COMT: variants seen among roughly 807,000 people sequenced by gnomAD.
COMT encodes the protein catechol O-methyltransferase.
In COMT, 13 loss-of-function variants were observed where a neutral mutation model predicts 18.9. The ratio of observed to expected loss-of-function variants is 0.69; its 90% CI spans 0.45 to 1.09. The LOEUF (loss-of-function observed/expected upper bound fraction) is 1.09, where lower values mean the gene tolerates loss of function less well. Ranked by LOEUF, COMT falls within the 50% of genes least tolerant of loss-of-function variation. COMT has a pLI of 0.00. For synonymous variants in COMT, 150 were observed against 160.9 expected (o/e 0.93, Z 0.51); for missense variants, 329 against 361.8 (o/e 0.91, Z 0.73).
At chr22:19,963,109 A>G (rs997352987) in intron 3 of COMT, among the ~76,000 whole-genome samples, 2 of 152,040 alleles carry the variant, frequency 1.3e-5, no homozygotes, top group African/African-American at 4.8e-5. Context: ...CTGCCTGGGG[A>G]CCAGTCAGAC....
At chr22:19,960,190 G>A in intron 1 of COMT, among the ~76,000 whole-genome samples, 1 of 152,216 alleles carries the variant, frequency 6.6e-6, no homozygotes. Flanking sequence ...GGACTCCAAG[G>A]TCTACCAAGT....
At chr22:19,951,286 G>A (rs958872358) in intron 1 of COMT, among the ~76,000 whole-genome samples, 2 of 151,166 alleles carry the variant, frequency 1.3e-5, no homozygotes, top group Non-Finnish European at 2.9e-5. Context: ...ATGAACCCGG[G>A]GGACGGAGCT....
intron 1 of COMT, among the ~76,000 whole-genome samples, chr22:19,944,771 G>C (rs946230324): frequency 6.6e-6 from 1 of 151,898 alleles, no homozygotes; most frequent in African/African-American, 2.4e-5. Flanking sequence ...GCAATGAGCC[G>C]AGATCACACC....
chr22:19,943,542 T>C (rs757226451), intron 1 of COMT, among the ~76,000 whole-genome samples: 2 of 151,796 alleles, frequency 1.3e-5, no homozygotes. Flanking sequence ...CTTGGGAGGC[T>C]GAGGTGAAAA....
intron 1 of COMT, among the ~76,000 whole-genome samples, chr22:19,955,228 T>C (rs1414762383): frequency 1.3e-5 from 2 of 152,142 alleles, no homozygotes; most frequent in Non-Finnish European, 2.9e-5. Flanking sequence ...AGAGGCTGGA[T>C]GGAGGTGAGT....
chr22:19,943,890 G>A (rs1021417708), intron 1 of COMT, among the ~76,000 whole-genome samples: 5 of 107,948 alleles, frequency 4.6e-5, no homozygotes, highest in Non-Finnish European at 5.9e-5. Flanking sequence ...CATGTGGCAT[G>A]CAGGAGCTGG....
chr22:19,946,046 T>G (rs560665179), intron 1 of COMT, among the ~76,000 whole-genome samples: 30 of 152,306 alleles, frequency 2.0e-4, no homozygotes, highest in African/African-American at 7.0e-4. Context: ...ATAAAAAGAC[T>G]GTAATCATCC....
At chr22:19,952,581 G>A (rs1175368628) in intron 1 of COMT, among the ~76,000 whole-genome samples, 1 of 151,768 alleles carries the variant, frequency 6.6e-6, no homozygotes, top group South Asian at 2.1e-4. Context: ...GGAGCTTGCA[G>A]TGAGCCGAGA....
At chr22:19,943,650 A>T (rs933270) in intron 1 of COMT, among the ~76,000 whole-genome samples, 72,019 of 149,220 alleles carry the variant, frequency 0.48, 17,466 homozygotes, top group East Asian at 0.7. Context: ...TAAAAAAAAA[A>T]AATAATAATA....
chr22:19,951,236 A>G (rs112080665), intron 1 of COMT, among the ~76,000 whole-genome samples: 14,812 of 151,722 alleles, frequency 0.098, 1,178 homozygotes, highest in African/African-American at 0.22. Flanking sequence ...GTGGGCACCT[A>G]TAGTCCCAGC....
Position 19,964,110 on chromosome 22 carries a change from G to T in COMT, c.484-58G>T, listed in dbSNP as rs749053677. On this transcript the variant is annotated intron_variant, in intron 4 of 5. Transcript: ENST00000361682. ...GGCACTGACAGGCGCTGTTGTATAG[G>T]TGTGTAGGGATGGCCTCCTGTCTGT... 3.1e-6 allele frequency: 5 copies of T among 1,613,456 alleles called. No homozygotes were observed. The African/African-American group carries it at 6.7e-5, about 22-fold the overall frequency.
chr22:19,959,571 C>G (rs907798338), intron 1 of COMT, among the ~76,000 whole-genome samples: 29 of 152,076 alleles, frequency 1.9e-4, no homozygotes, highest in African/African-American at 6.8e-4. Context: ...AGGTGGTTAG[C>G]TGTCGGGAGG....
chr22:19,949,409 A>G (rs1941891184), intron 1 of COMT, among the ~76,000 whole-genome samples: 3 of 152,042 alleles, frequency 2.0e-5, no homozygotes, highest in African/African-American at 7.2e-5. Flanking sequence ...CTCTTTTTGT[A>G]ATTTTACTTC....
intron 1 of COMT, among the ~76,000 whole-genome samples, chr22:19,952,420 A>G (rs1941959798): frequency 6.6e-6 from 1 of 152,106 alleles, no homozygotes; most frequent in Non-Finnish European, 1.5e-5. Context: ...CGGGCGGATC[A>G]TGAGGTCAGG....
intron 1 of COMT, among the ~76,000 whole-genome samples, chr22:19,959,612 T>A (rs1050927188): frequency 6.6e-6 from 1 of 152,176 alleles, no homozygotes; most frequent in Non-Finnish European, 1.5e-5. Flanking sequence ...GCTCTGTTGG[T>A]GGCCCGGGGC....
At chr22:19,962,366 C>T in intron 2 of COMT, 161 bp from the exon 3 acceptor site, 2 of 1,327,642 alleles carry the variant, frequency 1.5e-6, no homozygotes, top group South Asian at 2.8e-5. Context: ...GGCTGGCTCC[C>T]TGGCGCTGAC....
In COMT at chr22:19,962,806, G is replaced by A. The variant is rs76452330; in HGVS notation, c.280G>A (p.Asp94Asn). Residue 94 changes from aspartate to asparagine, a missense_variant, in exon 3 of 6, where the codon GAC (aspartate) becomes AAC (asparagine). By Grantham distance (23) the Asp-to-Asn change is conservative. Transcript: ENST00000361682. The part of the protein sequence containing the change: ...EQKEWAMNVG[D>N]KKGKIVDAVI... The stretch of plus-strand genomic sequence containing the variant: ...GAAGGAGTGGGCCATGAACGTGGGC[G>A]ACAAGAAAGGTGGGGTCCGGGCCAG... The A allele has an allele frequency of 3.1e-4, 501 of 1,604,136 alleles. 5 individuals carry two copies. The East Asian group carries it at 0.01, about 33-fold the overall frequency.
Position 19,941,823 on chromosome 22 carries a change from C to T in COMT, c.-166C>T. 6.6e-7 allele frequency: 1 copy of T among 1,515,418 alleles called. No homozygotes were observed. Among genetic ancestry groups the T allele is most frequent in the Non-Finnish European group, 8.8e-7 (1 of 1,141,764 alleles). 93.9% of individuals were successfully genotyped at this position (1,515,418 alleles called of 1,614,324 possible). A position where few individuals can be genotyped will look rare whatever the true frequency, so the allele number is the denominator to read the frequency against. On this transcript the variant is annotated 5_prime_UTR_variant, in exon 1 of 6. Coordinates refer to ENST00000361682, the MANE Select transcript of COMT (RefSeq NM_000754.4). The stretch of plus-strand genomic sequence containing the variant: ...CGCCATCGTCGTGGGGCTTCTGGGG[C>T]AGCTAGGGCTGCCCGCCGCGCTGCC...
chr22:19,967,518 A>G, intron 5 of COMT: 1 of 393,972 alleles, frequency 2.5e-6, no homozygotes. Flanking sequence ...ATACTGTCAC[A>G]TGAAAGCCCC....
Sources: allele counts gnomAD v4.1 joint callset (sites outside exome capture counted in the v4.1 genomes callset), GRCh38; gene constraint gnomAD v4.1.1; transcripts MANE v1.5; gene names NCBI Gene and HGNC (gene_info 2026-07-23, HGNC 2026-07-21).